Variants in RAD51B observed in about 807,000 individuals in gnomAD.
RAD51B encodes DNA repair protein RAD51 homolog 2.
In RAD51B, 38 loss-of-function variants were observed where a neutral mutation model predicts 42.2. The ratio of observed to expected loss-of-function variants is 0.90; its 90% CI spans 0.70 to 1.18. RAD51B has a LOEUF of 1.18. Ranked by LOEUF, RAD51B falls within the 50% of genes most tolerant of loss-of-function variation. RAD51B has a pLI of 0.00. For synonymous variants in RAD51B, 154 were observed against 145.2 expected (o/e 1.06, Z -0.43); for missense variants, 373 against 400.7 (o/e 0.93, Z 0.59).
At chr14:68,009,403 A>G (rs550435821) in intron 7 of RAD51B, among the ~76,000 whole-genome samples, 1 of 152,064 alleles carries the variant, frequency 6.6e-6, no homozygotes, top group Admixed American at 6.5e-5. Flanking sequence ...TAACAGCACT[A>G]TCATTCATCA....
In RAD51B at chr14:67,823,588, G is replaced by T. The variant is rs1343806029; in HGVS notation, c.45G>T (p.Leu15=). Residue 15 remains leucine (L), a synonymous_variant, in exon 2 of 11, where the codon CTG becomes CTT. Transcript: ENST00000471583. ...AACGAGTGGGTTTATCACAAGAGCT[G>T]TGTGACCGTCTGAGTAGACATCAGA... The part of the protein sequence containing the change: ...KLKRVGLSQE[L]CDRLSRHQIL... The T allele has an allele frequency of 1.2e-6, 2 of 1,613,650 alleles. No homozygotes were observed. The highest frequency in any genetic ancestry group is 3.3e-5 in the Admixed American group (2 of 59,974).
At chr14:67,882,885 C>T (rs529487238) in intron 5 of RAD51B, among the ~76,000 whole-genome samples, 21 of 152,142 alleles carry the variant, frequency 1.4e-4, no homozygotes, top group Non-Finnish European at 2.8e-4. Context: ...GCTGGGATTA[C>T]AGGCGCCCGT....
chr14:68,430,157 G>C (rs993142066), intron 9 of RAD51B, among the ~76,000 whole-genome samples: 2 of 152,064 alleles, frequency 1.3e-5, no homozygotes, highest in Non-Finnish European at 2.9e-5. Context: ...GTAGCTTTGT[G>C]GTATAGTTTG....
intron 7 of RAD51B, among the ~76,000 whole-genome samples, chr14:68,200,976 T>A (rs945842885): frequency 6.6e-6 from 1 of 152,114 alleles, no homozygotes; most frequent in Non-Finnish European, 1.5e-5. Flanking sequence ...TCTATAATTG[T>A]ACAAAGGCAG....
chr14:67,997,047 G>T (rs1232376512), intron 7 of RAD51B, among the ~76,000 whole-genome samples: 10 of 152,196 alleles, frequency 6.6e-5, no homozygotes, highest in Non-Finnish European at 1.2e-4. Context: ...GGAAGGCTGT[G>T]GGTAGAACAG....
chr14:67,843,856 A>AGCAG (rs1363052729), intron 4 of RAD51B, among the ~76,000 whole-genome samples: 2 of 149,422 alleles, frequency 1.3e-5, no homozygotes, highest in East Asian at 3.9e-4. Context: ...TGTTCAGTTC[A>AGCAG]GCTCTGATTT....
chr14:68,054,333 A>G (rs2076440235), intron 7 of RAD51B, among the ~76,000 whole-genome samples: 1 of 152,184 alleles, frequency 6.6e-6, no homozygotes, highest in African/African-American at 2.4e-5. Flanking sequence ...ATTTTATAAA[A>G]AGCTGCTCTT....
intron 8 of RAD51B, among the ~76,000 whole-genome samples, chr14:68,305,501 A>G (rs2139705929): frequency 6.6e-6 from 1 of 152,354 alleles, no homozygotes; most frequent in South Asian, 2.1e-4. Flanking sequence ...AAAGTTACAA[A>G]AAGAAGGAAA....
intron 11 of RAD51B, among the ~76,000 whole-genome samples, chr14:68,673,318 C>G (rs1365891318): frequency 6.6e-6 from 1 of 152,272 alleles, no homozygotes; most frequent in East Asian, 1.9e-4. Context: ...TACATGCACA[C>G]ACATACACAC....
chr14:68,230,294 G>A (rs1369456485), intron 7 of RAD51B, among the ~76,000 whole-genome samples: 1 of 152,174 alleles, frequency 6.6e-6, no homozygotes, highest in African/African-American at 2.4e-5. Context: ...AGAATTGAAG[G>A]AAAAGTAGAA....
chr14:68,670,229 T>A (rs1178000903), intron 11 of RAD51B, among the ~76,000 whole-genome samples: 3 of 152,062 alleles, frequency 2.0e-5, no homozygotes, highest in African/African-American at 7.2e-5. Flanking sequence ...GTTGCTGAGG[T>A]CACCCTGGGA....
intron 8 of RAD51B, among the ~76,000 whole-genome samples, chr14:68,337,630 A>G (rs2082484079): frequency 6.6e-6 from 1 of 152,160 alleles, no homozygotes; most frequent in African/African-American, 2.4e-5. Flanking sequence ...TCCCTTGCCT[A>G]GGCTATATCC....
At chr14:68,377,780 T>TA (rs1409104268) in intron 8 of RAD51B, among the ~76,000 whole-genome samples, 1 of 152,348 alleles carries the variant, frequency 6.6e-6, no homozygotes, top group East Asian at 1.9e-4. Context: ...CTGTGTGGCT[T>TA]AGGGAGTCAC....
chr14:68,457,766 T>C (rs963178502), intron 9 of RAD51B, among the ~76,000 whole-genome samples: 41 of 148,018 alleles, frequency 2.8e-4, no homozygotes, highest in African/African-American at 9.6e-4. Context: ...GCCCAGCTAA[T>C]TTTTGTATTT....
At chr14:67,893,497 C>CAAAAA (rs1566945321) in intron 7 of RAD51B, among the ~76,000 whole-genome samples, 1 of 77,524 alleles carries the variant, frequency 1.3e-5, no homozygotes, top group African/African-American at 6.3e-5. Context: ...CACACACACA[C>CAAAAA]ACACACACAC....
intron 7 of RAD51B, among the ~76,000 whole-genome samples, chr14:67,894,401 A>C (rs1181586316): frequency 2.0e-5 from 3 of 151,996 alleles, no homozygotes; most frequent in Non-Finnish European, 4.4e-5. Flanking sequence ...ACTTACACTT[A>C]TTTTTTGGAT....
intron 7 of RAD51B, among the ~76,000 whole-genome samples, chr14:68,137,595 T>TA (rs1376345469): frequency 2.6e-5 from 4 of 152,224 alleles, no homozygotes; most frequent in Non-Finnish European, 4.4e-5. Flanking sequence ...TTTGCCATTA[T>TA]AAACAATATT....
chr14:68,664,136 G>C (rs1892988514), intron 11 of RAD51B, among the ~76,000 whole-genome samples: 1 of 152,164 alleles, frequency 6.6e-6, no homozygotes, highest in Non-Finnish European at 1.5e-5. Flanking sequence ...AAGCATTGTT[G>C]TTGCTGTTAT....
At chr14:68,172,273 G>A (rs1002187170) in intron 7 of RAD51B, among the ~76,000 whole-genome samples, 3 of 152,146 alleles carry the variant, frequency 2.0e-5, no homozygotes, top group Non-Finnish European at 4.4e-5. Context: ...ATGATTTTCT[G>A]TCATTACATT....
Sources: gnomAD v4.1 joint callset for allele counts (sites outside exome capture counted in the v4.1 genomes callset) on GRCh38, gnomAD v4.1.1 for gene constraint, MANE v1.5 for transcripts, NCBI Gene and HGNC (gene_info 2026-07-23, HGNC 2026-07-21) for gene names.